C9orf85: variants seen among roughly 807,000 people sequenced by gnomAD.
C9orf85 encodes chromosome 9 open reading frame 85.
In C9orf85, 16 loss-of-function variants were observed where a neutral mutation model predicts 14.9. That is an observed-to-expected ratio of 1.08 (90% CI 0.73 to 1.63). The LOEUF (loss-of-function observed/expected upper bound fraction) is 1.63, where lower values mean the gene tolerates loss of function less well. Among genes scored for constraint, C9orf85 ranks in the 40% most tolerant of loss-of-function variants. C9orf85 has a pLI of 0.00. For synonymous variants in C9orf85, 45 were observed against 56.8 expected, an observed-to-expected ratio of 0.79 and a Z score of 0.93; for missense variants, 172 against 186.1, an observed-to-expected ratio of 0.92 and a Z score of 0.44.
At chr9:71,975,276 C>G (rs953859783), downstream of C9orf85, among the ~76,000 whole-genome samples, 3 of 151,570 alleles carry the variant, frequency 2.0e-5, no homozygotes, top group African/African-American at 7.3e-5. Flanking sequence ...TGGTGAAACC[C>G]TACTAAAAAT....
chr9:71,927,805 A>G lies in C9orf85; in HGVS notation c.102+15969A>G, dbSNP rs1827966705. On this transcript the variant is annotated intron_variant, in intron 1 of 3. Coordinates refer to ENST00000334731, the MANE Select transcript of C9orf85 (RefSeq NM_182505.5). ...ATATTTGAACTGTAGTAGTATTTAT[A>G]TAATATAACATTAAAAACACGGGGT... Among the ~76,000 whole-genome samples, 7 of 152,244 alleles carry G rather than the reference A, an allele frequency of 4.6e-5. 1 individual carries two copies. In the South Asian group the frequency reaches 1.4e-3, roughly 31 times the overall value.
chr9:71,915,599 G>A (rs570042419), intron 1 of C9orf85, among the ~76,000 whole-genome samples: 2 of 152,300 alleles, frequency 1.3e-5, no homozygotes, highest in Non-Finnish European at 2.9e-5. Context: ...ATGCATGCTT[G>A]TTGAAGAATA....
chr9:71,964,151 T>C (rs1438802932), intron 2 of C9orf85, among the ~76,000 whole-genome samples: 1 of 152,100 alleles, frequency 6.6e-6, no homozygotes. Flanking sequence ...AACCTTTGTA[T>C]AGACACTCTG....
In C9orf85 at chr9:71,928,186, C is replaced by CAAAAAA. The variant is rs58238164; in HGVS notation, c.102+16374_102+16379dup. Among the ~76,000 whole-genome samples, 52 of 74,278 alleles carry CAAAAAA rather than the reference C, an allele frequency of 7.0e-4. 3 individuals carry two copies. The highest frequency in any genetic ancestry group is 2.7e-3 in the African/African-American group (49 of 17,902). The allele number at this position is 74,278 out of a possible 152,430, so 48.7% of individuals were successfully genotyped here. On this transcript the variant is annotated intron_variant, in intron 1 of 3. Transcript: ENST00000334731. ...TGGGCAACAGAATGAGGCTCTGTCT[C>CAAAAAA]AAAAAAAAAAAAAAAAAAAAAAAAA...
chr9:71,958,069 C>T (rs1387595293), intron 2 of C9orf85, among the ~76,000 whole-genome samples: 3 of 151,740 alleles, frequency 2.0e-5, no homozygotes, highest in Non-Finnish European at 4.4e-5. Flanking sequence ...AGAAATCATA[C>T]TCTATTGGTG....
Position 71,972,857 on chromosome 9 carries a change from A to T in C9orf85, c.*15A>T, listed in dbSNP as rs757017087. 8 of 1,591,842 alleles carry T rather than the reference A, an allele frequency of 5.0e-6. No homozygotes were observed. In the East Asian group the frequency reaches 1.8e-4, roughly 36 times the overall value. ...AAATGAATTAATATCACTGTATTAA[A>T]AGTCTGCCGGGCACAGTGGCTCACG... On this transcript the variant is annotated 3_prime_UTR_variant, in exon 4 of 4. Coordinates refer to ENST00000334731, the MANE Select transcript of C9orf85 (RefSeq NM_182505.5).
At chr9:71,979,329 T>C (rs1823056553) in intron 3 of C9orf85, among the ~76,000 whole-genome samples, 1 of 152,210 alleles carries the variant, frequency 6.6e-6, no homozygotes, top group African/African-American at 2.4e-5. Flanking sequence ...TGTAAACTTA[T>C]TGTGAGTATT....
intron 3 of C9orf85, among the ~76,000 whole-genome samples, chr9:71,981,479 A>C (rs1393431511): frequency 6.6e-6 from 1 of 152,244 alleles, no homozygotes; most frequent in African/African-American, 2.4e-5. Context: ...TGCTGCATTA[A>C]GGAGTTGGAA....
intron 1 of C9orf85, among the ~76,000 whole-genome samples, chr9:71,923,135 A>C (rs1827855466): frequency 6.6e-6 from 1 of 152,218 alleles, no homozygotes; most frequent in African/African-American, 2.4e-5. Flanking sequence ...GTCTCAAAAA[A>C]AGACTGACCA....
At chr9:71,939,639 G>A (rs1222875639) in intron 1 of C9orf85, among the ~76,000 whole-genome samples, 1 of 152,036 alleles carries the variant, frequency 6.6e-6, no homozygotes, top group Non-Finnish European at 1.5e-5. Context: ...TAGAAAAGCA[G>A]AGGAATTAGA....
downstream of C9orf85, among the ~76,000 whole-genome samples, chr9:71,974,376 G>A (rs991455531): frequency 6.6e-6 from 1 of 150,704 alleles, no homozygotes; most frequent in Non-Finnish European, 1.5e-5. Context: ...CCCTAGTAGC[G>A]GGGACTGCAG....
At chr9:71,915,517 A>G (rs968188743) in intron 1 of C9orf85, among the ~76,000 whole-genome samples, 3 of 152,188 alleles carry the variant, frequency 2.0e-5, no homozygotes, top group South Asian at 2.1e-4. Flanking sequence ...AATAAGAACT[A>G]AGAATAAAGC....
chr9:71,978,573 G>A (rs773035259), intron 3 of C9orf85, among the ~76,000 whole-genome samples: 2 of 152,052 alleles, frequency 1.3e-5, no homozygotes, highest in Non-Finnish European at 2.9e-5. Flanking sequence ...TTCAGAAATC[G>A]TTTTAAGTAA....
At position 71,911,839 on chromosome 9, in the gene C9orf85, A is replaced by G; in HGVS notation, c.102+3A>G. ...TCGATAAAAGTGTGCAGACCAAGGT[A>G]GGAACCTGCCTGTTGCACCGTCTTT... On this transcript the variant is annotated splice_donor_region_variant and intron_variant, in intron 1 of 3. Transcript: ENST00000334731. 1 of 1,613,384 alleles carries G rather than the reference A, an allele frequency of 6.2e-7. No individual in the cohort carries two copies. The highest frequency in any genetic ancestry group is 8.5e-7 in the Non-Finnish European group (1 of 1,179,288).
At chr9:71,983,730 T>C (rs963285111), downstream of C9orf85, 1 of 152,222 alleles carries the variant, frequency 6.6e-6, no homozygotes, top group Non-Finnish European at 1.5e-5. Context: ...CTTCAGTAGG[T>C]AAGTCAGTAT....
At chr9:71,926,441 C>G (rs1323892441) in intron 1 of C9orf85, among the ~76,000 whole-genome samples, 1 of 151,950 alleles carries the variant, frequency 6.6e-6, no homozygotes, top group Non-Finnish European at 1.5e-5. Context: ...TAAATATGAG[C>G]TAAGCAGACT....
rs1427486681 is a variant in C9orf85, at chr9:71,933,601, C to G, written c.103-13405C>G. On this transcript the variant is annotated intron_variant, in intron 1 of 3. Coordinates refer to ENST00000334731, the MANE Select transcript of C9orf85 (RefSeq NM_182505.5). ...CTAGACTGCTCTTGGGCTTTGGGGC[C>G]ATGTTACGTGTAATAGTAACTTAAC... 2.6e-5 allele frequency among the ~76,000 whole-genome samples: 4 copies of G among 152,242 alleles called. No homozygotes were observed. The East Asian group carries it at 7.7e-4, about 29-fold the overall frequency.
At chr9:71,953,180 G>A (rs1004300284) in intron 2 of C9orf85, among the ~76,000 whole-genome samples, 1 of 152,186 alleles carries the variant, frequency 6.6e-6, no homozygotes, top group Non-Finnish European at 1.5e-5. Flanking sequence ...AACATGTCAA[G>A]AGTGTCTTGG....
At chr9:71,971,689 C>A in intron 3 of C9orf85, 71 bp downstream of exon 3, 3 of 1,090,210 alleles carry the variant, frequency 2.8e-6, no homozygotes, top group Non-Finnish European at 4.2e-6. Context: ...AAGAGATGAT[C>A]CTTGCTAGGC....
Sources: gnomAD v4.1 joint callset for allele counts (sites outside exome capture counted in the v4.1 genomes callset) on GRCh38, gnomAD v4.1.1 for gene constraint, MANE v1.5 for transcripts, NCBI Gene and HGNC (gene_info 2026-07-23, HGNC 2026-07-21) for gene names.